The following DNAH8 variants were observed in gnomAD, a reference collection of about 807,000 sequenced individuals.
The protein encoded by DNAH8 is axonemal beta dynein heavy chain 8.
Under a neutral mutation model 562.1 loss-of-function variants are expected in DNAH8, and 382 were observed. That is an observed-to-expected ratio of 0.68 (90% CI 0.63 to 0.74). The LOEUF (loss-of-function observed/expected upper bound fraction) is 0.74, where lower values mean the gene tolerates loss of function less well. Among genes scored for constraint, DNAH8 ranks in the 30% least tolerant of loss-of-function variants. DNAH8 has a pLI of 0.00. For synonymous variants in DNAH8, 1,881 were observed against 1,919.4 expected, an observed-to-expected ratio of 0.98 and a Z score of 0.52; for missense variants, 5,203 against 5,620.4, an observed-to-expected ratio of 0.93 and a Z score of 2.37.
intron 79 of DNAH8, among the ~76,000 whole-genome samples, chr6:38,941,015 G>A (rs1210732448): frequency 6.6e-6 from 1 of 152,056 alleles, no homozygotes; most frequent in Non-Finnish European, 1.5e-5. Flanking sequence ...AGCTACTCGG[G>A]AAGCTGAAGC....
intron 11 of DNAH8, 86 bp downstream of exon 11, chr6:38,761,889 C>A: frequency 1.5e-6 from 1 of 684,570 alleles, no homozygotes; most frequent in Admixed American, 3.2e-5. Context: ...AATATGTTAA[C>A]TGAAAAAACT....
intron 79 of DNAH8, 105 bp from the exon 80 acceptor site, chr6:38,945,362 A>G (rs1375590259): frequency 5.7e-6 from 7 of 1,227,376 alleles, no homozygotes; most frequent in Admixed American, 4.4e-5. Flanking sequence ...CAATTTTCCT[A>G]TATTTTCAGT....
intron 13 of DNAH8, among the ~76,000 whole-genome samples, chr6:38,777,092 G>A (rs746038926): frequency 1.3e-5 from 2 of 152,084 alleles, no homozygotes; most frequent in Non-Finnish European, 2.9e-5. Context: ...CCATTCTAAC[G>A]ATAACACTTT....
chr6:38,985,509 A>G (rs2150721216), intron 87 of DNAH8, among the ~76,000 whole-genome samples: 1 of 152,296 alleles, frequency 6.6e-6, no homozygotes, highest in South Asian at 2.1e-4. Flanking sequence ...GTTTTTCTTG[A>G]AGCTACATAT....
intron 53 of DNAH8, 138 bp downstream of exon 53, chr6:38,875,966 G>A: frequency 1.6e-6 from 1 of 636,184 alleles, no homozygotes; most frequent in East Asian, 2.8e-5. Flanking sequence ...AAAAGAGCAT[G>A]TATTTGAAAG....
At chr6:38,849,492 C>T (rs1431149719) in intron 37 of DNAH8, among the ~76,000 whole-genome samples, 1 of 151,654 alleles carries the variant, frequency 6.6e-6, no homozygotes, top group African/African-American at 2.4e-5. Context: ...GAAAATTAAG[C>T]CTGATCTTCC....
intron 26 of DNAH8, among the ~76,000 whole-genome samples, chr6:38,820,326 A>G (rs1772708726): frequency 6.6e-6 from 1 of 152,216 alleles, no homozygotes; most frequent in Non-Finnish European, 1.5e-5. Context: ...TGGAGAAAGA[A>G]TGTACTATTT....
At chr6:38,783,198 C>T in intron 17 of DNAH8, 59 bp downstream of exon 17, 8 of 1,544,694 alleles carry the variant, frequency 5.2e-6, no homozygotes, top group African/African-American at 1.4e-5. Context: ...TGAATGAGTT[C>T]ATAGTTCTGG....
At chr6:38,793,663 ACTT>A (rs1482146689) in intron 21 of DNAH8, among the ~76,000 whole-genome samples, 93 of 152,228 alleles carry the variant, frequency 6.1e-4, no homozygotes, top group African/African-American at 2.0e-3. Flanking sequence ...TTTTGGAAAT[ACTT>A]CTACTCCCTG....
Position 38,872,804 on chromosome 6 carries a change from G to A in DNAH8, c.7237+22G>A, listed in dbSNP as rs571339159. Reference sequence around the variant, plus strand: ...AAAGGTATACACAAACCTCCTTTGTGATCATTTTTTCCCTGCTAGCGTATT... The same window carrying A: ...AAAGGTATACACAAACCTCCTTTGTAATCATTTTTTCCCTGCTAGCGTATT... On this transcript the variant is annotated intron_variant, in intron 50 of 92. Transcript: ENST00000327475. The A allele has an allele frequency of 1.4e-5, 22 of 1,612,746 alleles. No homozygotes were observed. In the South Asian group the frequency reaches 2.4e-4, roughly 18 times the overall value.
chr6:38,734,440 G>T, intron 4 of DNAH8, 34 bp from the exon 5 acceptor site: 1 of 1,609,988 alleles, frequency 6.2e-7, no homozygotes, highest in South Asian at 1.1e-5. Flanking sequence ...TTAGTTGTGT[G>T]ATTATACGCT....
At chr6:38,805,458 T>C in intron 22 of DNAH8, 23 bp from the exon 23 acceptor site, 3 of 1,445,246 alleles carry the variant, frequency 2.1e-6, no homozygotes, top group Non-Finnish European at 2.9e-6. Flanking sequence ...ATGTTATATT[T>C]TTGTTTTGTC....
intron 17 of DNAH8, among the ~76,000 whole-genome samples, chr6:38,784,681 T>C (rs1768971386): frequency 6.6e-6 from 1 of 152,230 alleles, no homozygotes; most frequent in Non-Finnish European, 1.5e-5. Flanking sequence ...GCACATTACA[T>C]GTATTATGCA....
chr6:38,984,470 G>GCA lies in DNAH8; in HGVS notation c.13053+188_13053+189dup, dbSNP rs34819199. On this transcript the variant is annotated intron_variant, in intron 87 of 92. Coordinates refer to ENST00000327475, the MANE Select transcript of DNAH8 (RefSeq NM_001206927.2). The stretch of plus-strand genomic sequence containing the variant: ...TGCGCTTACACACACGCACACACAT[G>GCA]CACACACACACACACACACACACAC... The GCA allele has an allele frequency of 0.16, 78,243 of 502,372 alleles. 3,207 individuals are homozygous for GCA. The highest frequency in any genetic ancestry group is 0.23 in the African/African-American group (11,449 of 49,200). The allele number at this position is 502,372 out of a possible 1,614,324, so 31.1% of individuals were successfully genotyped here.
intron 79 of DNAH8, among the ~76,000 whole-genome samples, chr6:38,940,429 C>T (rs1783348170): frequency 6.6e-6 from 1 of 152,068 alleles, no homozygotes; most frequent in Non-Finnish European, 1.5e-5. Flanking sequence ...ATTTTAGGAC[C>T]TGTTTAGTCA....
rs560119836 is a variant in DNAH8 at position 38,903,812 on chromosome 6, A to T, written c.9195-2442A>T. ...TTTTTAGTAGAGGCAGGGTTTCACC[A>T]TGCTGGCCAGGCTGGTCTTGAACTC... On this transcript the variant is annotated intron_variant, in intron 62 of 92. Coordinates refer to ENST00000327475, the MANE Select transcript of DNAH8 (RefSeq NM_001206927.2). Among the ~76,000 whole-genome samples the T allele has an allele frequency of 2.9e-3, 438 of 151,990 alleles. 6 individuals are homozygous for T. The highest frequency in any genetic ancestry group is 4.7e-4 in the Non-Finnish European group (32 of 67,924).
intron 30 of DNAH8, among the ~76,000 whole-genome samples, chr6:38,829,164 G>C (rs1273509445): frequency 6.6e-6 from 1 of 152,028 alleles, no homozygotes; most frequent in African/African-American, 2.4e-5. Flanking sequence ...TAAATCCTTT[G>C]CTTGATTTTT....
In DNAH8 at chr6:38,814,110, A is replaced by G. The variant is rs758010350; in HGVS notation, c.3314A>G (p.His1105Arg). The G allele has an allele frequency of 2.7e-5, 42 of 1,565,366 alleles. No homozygotes were observed. Among genetic ancestry groups the G allele is most frequent in the African/African-American group, 5.4e-5 (4 of 74,130 alleles). Residue 1105 changes from histidine to arginine, a missense_variant, in exon 25 of 93, where the codon CAT (histidine) becomes CGT (arginine). Coordinates refer to ENST00000327475, the MANE Select transcript of DNAH8 (RefSeq NM_001206927.2). ...ATTTCCTTTATAAAAAGTGAAGTAC[A>G]TCTTGCAATTCCTAATGTGGTAAGT... ...DIISFIKSEV[H>R]LAIPNVVMIP... is the part of the protein sequence containing the mutation.
chr6:38,980,301 A>G (rs767106350), intron 85 of DNAH8, among the ~76,000 whole-genome samples: 6 of 152,218 alleles, frequency 3.9e-5, no homozygotes, highest in Non-Finnish European at 4.4e-5. Flanking sequence ...ATATATCAAT[A>G]TGAAACATCT....
Sources: gnomAD v4.1 joint callset for allele counts (sites outside exome capture counted in the v4.1 genomes callset) on GRCh38, gnomAD v4.1.1 for gene constraint, MANE v1.5 for transcripts, NCBI Gene and HGNC (gene_info 2026-07-23, HGNC 2026-07-21) for gene names.